The following CFAP20DC variants were observed in gnomAD, a reference collection of about 807,000 sequenced individuals.
CFAP20DC encodes the protein CFAP20 domain containing, also known as protein CFAP20DC.
A neutral mutation model predicts 101.7 loss-of-function variants in CFAP20DC; 84 were observed. The ratio of observed to expected loss-of-function variants is 0.83; its 90% CI spans 0.69 to 0.99. The LOEUF (loss-of-function observed/expected upper bound fraction) is 0.99. CFAP20DC is among the 50% of genes least tolerant of loss of function. The pLI is 0.00. For synonymous variants in CFAP20DC, 359 were observed against 351.2 expected (o/e 1.02, Z -0.25); for missense variants, 1,007 against 970.3 (o/e 1.04, Z -0.50).
At chr3:58,796,067 C>T (rs2073218307) in intron 15 of CFAP20DC, among the ~76,000 whole-genome samples, 1 of 152,110 alleles carries the variant, frequency 6.6e-6, no homozygotes, top group Admixed American at 6.5e-5. Flanking sequence ...GTTGTGATGG[C>T]TAGTTGGTGC....
At chr3:58,972,382 C>T (rs1576541890) in intron 4 of CFAP20DC, among the ~76,000 whole-genome samples, 1 of 152,046 alleles carries the variant, frequency 6.6e-6, no homozygotes, top group Non-Finnish European at 1.5e-5. Flanking sequence ...AGCTGGAAGG[C>T]CATATAATAA....
chr3:58,871,511 A>G (rs574803067), intron 7 of CFAP20DC, among the ~76,000 whole-genome samples: 1 of 150,398 alleles, frequency 6.6e-6, no homozygotes, highest in Non-Finnish European at 1.5e-5. Context: ...TATGGGCCGC[A>G]TGACTGAATT....
rs532350936 is a variant in CFAP20DC at position 58,799,052 on chromosome 3, C to T, written c.2237+7343G>A. The stretch of plus-strand genomic sequence containing the variant: ...CTCAACCTACAATATCTCTGAGGTA[C>T]GCTTGTATGTATATATATAATGTGT... On this transcript the variant is annotated intron_variant, in intron 15 of 16. Coordinates refer to ENST00000482387, the MANE Select transcript of CFAP20DC (RefSeq NM_001394063.1). The surrounding 1 kb of genome is among the most constrained non-coding windows in gnomAD (Gnocchi z 4.9). Among the ~76,000 whole-genome samples, 5 of 151,974 alleles carry T rather than the reference C, an allele frequency of 3.3e-5. No individual in the cohort carries two copies. Among genetic ancestry groups the T allele is most frequent in the East Asian group, 3.9e-4 (2 of 5,180 alleles).
chr3:58,779,277 A>C (rs972327968), intron 15 of CFAP20DC, among the ~76,000 whole-genome samples: 2 of 152,224 alleles, frequency 1.3e-5, no homozygotes, highest in Non-Finnish European at 2.9e-5. Context: ...GATATCATAA[A>C]AAGGAACCAA....
intron 4 of CFAP20DC, among the ~76,000 whole-genome samples, chr3:58,944,155 A>G (rs1261479218): frequency 6.6e-6 from 1 of 151,550 alleles, no homozygotes; most frequent in Non-Finnish European, 1.5e-5. Context: ...ACTCTTCAGG[A>G]TATTATCTAG....
chr3:58,977,992 C>G (rs2092352308), intron 4 of CFAP20DC, among the ~76,000 whole-genome samples: 1 of 152,150 alleles, frequency 6.6e-6, no homozygotes, highest in Non-Finnish European at 1.5e-5. Flanking sequence ...CTCTCAGGAA[C>G]TGAATGGGGA....
chr3:58,800,142 C>T (rs1456711204), intron 15 of CFAP20DC, among the ~76,000 whole-genome samples: 1 of 152,146 alleles, frequency 6.6e-6, no homozygotes, highest in African/African-American at 2.4e-5. Context: ...TGGGAAACCA[C>T]TGGGAAGTTT....
chr3:58,962,189 T>G (rs2091197035), intron 4 of CFAP20DC, among the ~76,000 whole-genome samples: 1 of 152,212 alleles, frequency 6.6e-6, no homozygotes, highest in Admixed American at 6.5e-5. Flanking sequence ...TTGGCTACAT[T>G]TCATACATTT....
rs192796789 is a variant in CFAP20DC at position 58,960,047 on chromosome 3, T to C, written c.279-22285A>G. 1.2e-3 allele frequency among the ~76,000 whole-genome samples: 183 copies of C among 152,352 alleles called. 1 individual carries two copies. Among genetic ancestry groups the C allele is most frequent in the South Asian group, 7.2e-3 (35 of 4,830 alleles). ...TTTTCCATGTCAACCAAATTGTCTA[T>C]GGAGTTGGCATAAAGTTGTTCACAG... On this transcript the variant is annotated intron_variant, in intron 4 of 16. Transcript: ENST00000482387.
Position 58,863,907 on chromosome 3 carries a change from AGAT to A in CFAP20DC, c.1259-18_1259-16del, listed in dbSNP as rs1360697603. The A allele has an allele frequency of 6.3e-7, 1 of 1,589,410 alleles. No homozygotes were observed. Among genetic ancestry groups the A allele is most frequent in the Non-Finnish European group, 8.6e-7 (1 of 1,169,332 alleles). On this transcript the variant is annotated splice_polypyrimidine_tract_variant and intron_variant, in intron 11 of 16. Transcript: ENST00000482387. The surrounding 1 kb of genome is among the most constrained non-coding windows in gnomAD (Gnocchi z 5.9). ...AATCCACTCATCTGACAGTTGGAAA[AGAT>A]GACAAAAATTAGAGCAGTAATCCAT...
rs28579143 is a variant in CFAP20DC at position 58,979,352 on chromosome 3, T to A, written c.279-41590A>T. 9.9e-3 allele frequency among the ~76,000 whole-genome samples: 1,508 copies of A among 152,314 alleles called. 28 individuals are homozygous for A. The highest frequency in any genetic ancestry group is 0.034 in the African/African-American group (1,415 of 41,562). On this transcript the variant is annotated intron_variant, in intron 4 of 16. Transcript: ENST00000482387. ...TATCTTGTAAAATTGCTATAAGGAT[T>A]GAATGCAATAATGTATGTAAATTGC... is the stretch of plus-strand genomic sequence containing the variant.
intron 7 of CFAP20DC, among the ~76,000 whole-genome samples, chr3:58,878,826 G>C (rs560667624): frequency 1.3e-5 from 2 of 152,046 alleles, no homozygotes; most frequent in African/African-American, 4.8e-5. Flanking sequence ...CCTGTGAATG[G>C]TGAAACTCCA....
chr3:58,912,433 T>C lies in CFAP20DC; in HGVS notation c.550+1275A>G. ...CTTTGGAGAGCTGTTAATACACTGC[T>C]GTGCTTTATTATCAAATGAAATTTA... On this transcript the variant is annotated intron_variant, in intron 6 of 16. Transcript: ENST00000482387. The surrounding 1 kb of genome is among the most constrained non-coding windows in gnomAD (Gnocchi z 4.4). 1 of 230,122 alleles carries C rather than the reference T, an allele frequency of 4.3e-6. No individual in the cohort carries two copies. Among genetic ancestry groups the C allele is most frequent in the South Asian group, 5.9e-5 (1 of 17,032 alleles). 14.3% of individuals were successfully genotyped at this position (230,122 alleles called of 1,614,324 possible). A position where few individuals can be genotyped will look rare whatever the true frequency, so the allele number is the denominator to read the frequency against.
intron 4 of CFAP20DC, among the ~76,000 whole-genome samples, chr3:58,941,893 G>A (rs1443967278): frequency 1.3e-5 from 2 of 152,044 alleles, no homozygotes; most frequent in Non-Finnish European, 2.9e-5. Flanking sequence ...CAATGGCTAG[G>A]GCCTTCAGCA....
chr3:58,909,809 T>C (rs553916958), intron 6 of CFAP20DC, among the ~76,000 whole-genome samples: 2 of 152,258 alleles, frequency 1.3e-5, no homozygotes, highest in South Asian at 4.1e-4. Context: ...GGTGGTTGGT[T>C]GCATCTATCA....
At chr3:58,813,320 G>C (rs1363694336) in intron 14 of CFAP20DC, among the ~76,000 whole-genome samples, 1 of 151,896 alleles carries the variant, frequency 6.6e-6, no homozygotes, top group Non-Finnish European at 1.5e-5. Context: ...TCTATAACGG[G>C]AAAAAATTCC....
chr3:58,861,701 C>T lies in CFAP20DC; in HGVS notation c.1593+1857G>A. ...AGCTTGATAATGTGGCAGGTGTTTCCCCTCTCTCTGGCTGCCACTCTTAGT... is the reference window on the plus strand; with the variant it reads ...AGCTTGATAATGTGGCAGGTGTTTCTCCTCTCTCTGGCTGCCACTCTTAGT... On this transcript the variant is annotated intron_variant, in intron 12 of 16. Coordinates refer to ENST00000482387, the MANE Select transcript of CFAP20DC (RefSeq NM_001394063.1). This position sits in a 1 kb window ranked among gnomAD's most constrained non-coding sequence, Gnocchi z 4.0. 4.1e-6 allele frequency: 4 copies of T among 985,286 alleles called. No individual in the cohort carries two copies. The highest frequency in any genetic ancestry group is 4.8e-6 in the Non-Finnish European group (4 of 829,916). The allele number at this position is 985,286 out of a possible 1,614,324, so 61.0% of individuals were successfully genotyped here.
intron 4 of CFAP20DC, among the ~76,000 whole-genome samples, chr3:59,023,345 T>C (rs1181365572): frequency 1.3e-5 from 2 of 152,096 alleles, no homozygotes; most frequent in Non-Finnish European, 2.9e-5. Flanking sequence ...AAAGTAATCA[T>C]GTACACAATT....
rs576633161 is a variant in CFAP20DC at position 58,842,137 on chromosome 3, T to A, written c.1971+6895A>T. Among the ~76,000 whole-genome samples, 7 of 152,272 alleles carry A rather than the reference T, an allele frequency of 4.6e-5. 1 individual carries two copies. Among genetic ancestry groups the A allele is most frequent in the Admixed American group, 3.3e-4 (5 of 15,302 alleles). On this transcript the variant is annotated intron_variant, in intron 13 of 16. Transcript: ENST00000482387. ...CAAATCATTTTCAGTAAGCATTCCT[T>A]AAGAATTACCAGTACTCGGAGGAGC...
Sources: gnomAD v4.1 joint callset for allele counts (sites outside exome capture counted in the v4.1 genomes callset) on GRCh38, gnomAD v4.1.1 for gene constraint, Gnocchi (gnomAD v3.1) non-coding constraint, MANE v1.5 for transcripts, NCBI Gene and HGNC (gene_info 2026-07-23, HGNC 2026-07-21) for gene names.